Variants in INTS12 observed in about 807,000 individuals in gnomAD.
INTS12 encodes the protein PHD finger protein 22.
INTS12 carries 13 observed loss-of-function variants against 41.6 expected under a neutral mutation model. The observed-to-expected ratio is 0.31, with a 90% CI of 0.20 to 0.50. The LOEUF (loss-of-function observed/expected upper bound fraction) is 0.50, where lower values mean the gene tolerates loss of function less well. INTS12 is among the 20% of genes least tolerant of loss of function. The probability of loss-of-function intolerance (pLI) is 0.98; values close to 1 mark genes in which losing one functional copy is unlikely to be tolerated. For missense variants in INTS12, 432 were observed against 541.6 expected, an observed-to-expected ratio of 0.80 and a Z score of 2.01; for synonymous variants, 199 against 191.4, an observed-to-expected ratio of 1.04 and a Z score of -0.33.
At position 105,693,415 on chromosome 4, in the gene INTS12, T is replaced by C. The variant is rs373337496; in HGVS notation, c.381A>G (p.Ser127=). The change falls in exon 5 of 8, where the codon TCA becomes TCG. Residue 127 remains serine, a synonymous_variant. Coordinates refer to ENST00000340139, the MANE Select transcript of INTS12 (RefSeq NM_020395.4). ...TGCTACTTTGGACAGTAATGGGAGA[T>C]GACTGTGTTTCTGGTTTCTCCAATC... ...KPRLEKPETQ[S]SPITVQSSKD... is the part of the protein sequence containing the mutation. 2 of 1,613,900 alleles carry C rather than the reference T, an allele frequency of 1.2e-6. No homozygotes were observed. Among genetic ancestry groups the C allele is most frequent in the African/African-American group, 1.3e-5 (1 of 75,058 alleles).
rs191778243 is a variant in INTS12 at position 105,694,987 on chromosome 4, C to T, written c.309+529G>A. Among the ~76,000 whole-genome samples the T allele has an allele frequency of 8.8e-4, 133 of 151,984 alleles. 1 individual carries two copies. In the East Asian group the frequency reaches 0.015, roughly 17 times the overall value. On this transcript the variant is annotated intron_variant, in intron 4 of 7. Transcript: ENST00000340139. Reference sequence around the variant, plus strand: ...TCACCCAGGCTGGAGTGCAGTGGCACGATCACCGCTCACTGCAATCTCTGC... The same window carrying T: ...TCACCCAGGCTGGAGTGCAGTGGCATGATCACCGCTCACTGCAATCTCTGC...
intron 7 of INTS12, 52 bp from the exon 8 acceptor site, chr4:105,683,369 G>T: frequency 8.0e-7 from 1 of 1,256,218 alleles, no homozygotes; most frequent in Non-Finnish European, 1.1e-6. Flanking sequence ...ATCAGTACCT[G>T]TATAAACATC....
At chr4:105,702,445 C>T (rs1732118654) in intron 2 of INTS12, among the ~76,000 whole-genome samples, 1 of 152,088 alleles carries the variant, frequency 6.6e-6, no homozygotes, top group South Asian at 2.1e-4. Flanking sequence ...CAATTTATTT[C>T]TATTTCTATT....
chr4:105,704,107 T>G (rs1381237309), intron 1 of INTS12, among the ~76,000 whole-genome samples: 1 of 152,102 alleles, frequency 6.6e-6, no homozygotes, highest in Non-Finnish European at 1.5e-5. Flanking sequence ...TAGCAAAACG[T>G]TCTCAGAAAT....
chr4:105,685,710 G>A (rs1410590768), intron 7 of INTS12, among the ~76,000 whole-genome samples: 1 of 151,452 alleles, frequency 6.6e-6, no homozygotes, highest in Non-Finnish European at 1.5e-5. Flanking sequence ...GCTTAATATT[G>A]GAATGTGTAC....
chr4:105,701,436 C>T (rs980237699), intron 2 of INTS12, among the ~76,000 whole-genome samples: 5 of 152,180 alleles, frequency 3.3e-5, no homozygotes, highest in African/African-American at 9.6e-5. Flanking sequence ...GAAAAGCAGC[C>T]TCTGTCACTT....
intron 3 of INTS12, among the ~76,000 whole-genome samples, chr4:105,697,900 AT>A (rs745435204): frequency 1.6e-4 from 25 of 152,230 alleles, no homozygotes; most frequent in Non-Finnish European, 2.9e-4. Context: ...ATATAAAAAA[AT>A]TAGCCAAGCA....
intron 6 of INTS12, chr4:105,687,204 C>T (rs544492213): frequency 4.6e-6 from 1 of 219,126 alleles, no homozygotes; most frequent in African/African-American, 2.4e-5. Flanking sequence ...GTCAAATACA[C>T]AAGAGTTTTC....
At chr4:105,690,626 A>G (rs898849097) in intron 6 of INTS12, among the ~76,000 whole-genome samples, 2 of 152,214 alleles carry the variant, frequency 1.3e-5, no homozygotes, top group African/African-American at 4.8e-5. Context: ...CTATCTAGTT[A>G]GCTATAGAAG....
At chr4:105,702,732 A>G (rs2149191753) in intron 2 of INTS12, among the ~76,000 whole-genome samples, 1 of 152,298 alleles carries the variant, frequency 6.6e-6, no homozygotes, top group Middle Eastern at 3.4e-3. Context: ...TTGTTACAGA[A>G]GCCTCCAATT....
At chr4:105,707,670 G>A (rs1443808256) in intron 1 of INTS12, among the ~76,000 whole-genome samples, 5 of 152,180 alleles carry the variant, frequency 3.3e-5, no homozygotes, top group East Asian at 1.9e-4. Context: ...ACAATCTTTC[G>A]CCTGTCTTGC....
chr4:105,688,764 T>C (rs998565115), intron 6 of INTS12, among the ~76,000 whole-genome samples: 1 of 152,212 alleles, frequency 6.6e-6, no homozygotes, highest in African/African-American at 2.4e-5. Flanking sequence ...AGATAAAGAC[T>C]AATTATGATG....
At chr4:105,694,846 G>A (rs1037196932) in intron 4 of INTS12, among the ~76,000 whole-genome samples, 2 of 151,938 alleles carry the variant, frequency 1.3e-5, no homozygotes, top group African/African-American at 2.4e-5. Context: ...AATCATCTTT[G>A]GCACTGTTCA....
At chr4:105,701,519 C>T (rs1283595878) in intron 2 of INTS12, among the ~76,000 whole-genome samples, 1 of 152,054 alleles carries the variant, frequency 6.6e-6, no homozygotes, top group African/African-American at 2.4e-5. Context: ...AAAATTTACT[C>T]ATGGGGCTGG....
intron 6 of INTS12, among the ~76,000 whole-genome samples, chr4:105,687,311 G>A: frequency 6.6e-6 from 1 of 151,956 alleles, no homozygotes; most frequent in Admixed American, 6.6e-5. Context: ...AGAACAGGGA[G>A]AAAAAAACTA....
intron 3 of INTS12, among the ~76,000 whole-genome samples, chr4:105,696,378 T>A (rs956683478): frequency 7.9e-5 from 12 of 152,122 alleles, no homozygotes; most frequent in African/African-American, 2.9e-4. Context: ...GAAAAATATG[T>A]CTCCCATCAT....
At chr4:105,695,714 C>T in intron 3 of INTS12, 46 bp from the exon 4 acceptor site, 5 of 1,436,138 alleles carry the variant, frequency 3.5e-6, no homozygotes, top group Non-Finnish European at 4.8e-6. Flanking sequence ...TTAGACTGAT[C>T]ATCATAAAAA....
At chr4:105,697,151 T>C (rs894615053) in intron 3 of INTS12, among the ~76,000 whole-genome samples, 2 of 152,216 alleles carry the variant, frequency 1.3e-5, no homozygotes, top group African/African-American at 4.8e-5. Flanking sequence ...GTGGCTTGTC[T>C]TTTCATTCTG....
At chr4:105,697,091 G>A (rs1271272089) in intron 3 of INTS12, among the ~76,000 whole-genome samples, 5 of 152,090 alleles carry the variant, frequency 3.3e-5, no homozygotes, top group Admixed American at 2.6e-4. Flanking sequence ...TAGATTTTGG[G>A]CACAAGGCCT....
Sources: allele counts gnomAD v4.1 joint callset (sites outside exome capture counted in the v4.1 genomes callset), GRCh38; gene constraint gnomAD v4.1.1; transcripts MANE v1.5; gene names NCBI Gene and HGNC (gene_info 2026-07-23, HGNC 2026-07-21).